Variants in BICC1 observed in about 807,000 individuals in gnomAD.
BICC1 encodes protein bicaudal C homolog 1.
A neutral mutation model predicts 111.0 loss-of-function variants in BICC1; 43 were observed. The ratio of observed to expected loss-of-function variants is 0.39; its 90% CI spans 0.30 to 0.50. The LOEUF is 0.50. BICC1 is among the 20% of genes least tolerant of loss of function. BICC1 has a pLI of 0.88. For missense variants in BICC1, 1,091 were observed against 1,203.2 expected (o/e 0.91, Z 1.38); for synonymous variants, 467 against 434.4 (o/e 1.07, Z -0.93).
intron 1 of BICC1, among the ~76,000 whole-genome samples, chr10:58,569,440 G>T (rs768814990): frequency 1.3e-5 from 2 of 152,154 alleles, no homozygotes; most frequent in Non-Finnish European, 2.9e-5. Flanking sequence ...TGTGCAGAAT[G>T]TGCAGGTTTG....
intron 1 of BICC1, among the ~76,000 whole-genome samples, chr10:58,586,537 G>A (rs11595333): frequency 2.7e-5 from 4 of 150,772 alleles, no homozygotes; most frequent in African/African-American, 7.3e-5. Context: ...GGTTGGGGGC[G>A]GGGGGGCGCG....
intron 1 of BICC1, among the ~76,000 whole-genome samples, chr10:58,581,057 T>A (rs1029979346): frequency 1.3e-5 from 2 of 152,164 alleles, no homozygotes; most frequent in African/African-American, 4.8e-5. Flanking sequence ...ATTTTCCTTT[T>A]AAAAATTAAA....
chr10:58,586,931 G>A (rs1270263789), intron 1 of BICC1, among the ~76,000 whole-genome samples: 1 of 152,114 alleles, frequency 6.6e-6, no homozygotes, highest in African/African-American at 2.4e-5. Flanking sequence ...GGCCTCGTTT[G>A]CCCATTTGTT....
chr10:58,635,862 T>A (rs930788347), intron 2 of BICC1, among the ~76,000 whole-genome samples: 6 of 152,156 alleles, frequency 3.9e-5, no homozygotes, highest in Non-Finnish European at 5.9e-5. Context: ...GCCCTCTCCA[T>A]TAGTTATATA....
intron 3 of BICC1, among the ~76,000 whole-genome samples, chr10:58,719,349 C>A (rs1366640095): frequency 2.0e-5 from 3 of 152,166 alleles, no homozygotes; most frequent in Non-Finnish European, 4.4e-5. Flanking sequence ...AGGGCATCCT[C>A]CATCCTCCCT....
chr10:58,781,071 T>G (rs970312455), intron 3 of BICC1, among the ~76,000 whole-genome samples: 1 of 152,152 alleles, frequency 6.6e-6, no homozygotes, highest in African/African-American at 2.4e-5. Context: ...TTAGAGAAGG[T>G]TGGATTACCA....
intron 13 of BICC1, 21 bp downstream of exon 13, chr10:58,800,347 G>C (rs1440222439): frequency 1.9e-6 from 3 of 1,606,698 alleles, no homozygotes. Flanking sequence ...GTACCCTTCT[G>C]AAATTCATTT....
chr10:58,763,436 A>G (rs1403826131), intron 3 of BICC1, among the ~76,000 whole-genome samples: 1 of 152,156 alleles, frequency 6.6e-6, no homozygotes, highest in Non-Finnish European at 1.5e-5. Flanking sequence ...GAAGAAGAAA[A>G]TATTTTGAGG....
At chr10:58,798,344 C>G in intron 10 of BICC1, 55 bp from the exon 11 acceptor site, 1 of 1,364,558 alleles carries the variant, frequency 7.3e-7, no homozygotes, top group Non-Finnish European at 9.8e-7. Context: ...GGTGCCATCT[C>G]TATTTTAAAA....
chr10:58,688,121 T>A (rs377382473), intron 2 of BICC1, among the ~76,000 whole-genome samples: 7 of 152,090 alleles, frequency 4.6e-5, no homozygotes, highest in African/African-American at 1.7e-4. Context: ...AAAGTTAGCG[T>A]GGACCCAAAG....
Position 58,513,455 on chromosome 10 carries a change from C to G in BICC1, c.190+122C>G. On this transcript the variant is annotated intron_variant, in intron 1 of 20. Transcript: ENST00000373886. ...CGGCCGGCCGGTTTAGCTCCAGGCC[C>G]GCTCCCCCGCGGAGCCGGAGGACAC... 4.2e-6 allele frequency: 4 copies of G among 949,976 alleles called. No homozygotes were observed. The East Asian group carries it at 1.3e-4, about 30-fold the overall frequency. The allele number at this position is 949,976 out of a possible 1,614,324, so 58.8% of individuals were successfully genotyped here.
intron 2 of BICC1, among the ~76,000 whole-genome samples, chr10:58,648,058 C>T (rs1466410237): frequency 1.3e-5 from 2 of 152,094 alleles, no homozygotes; most frequent in Non-Finnish European, 2.9e-5. Context: ...TCTTGCCTTA[C>T]TTTAATTAGA....
chr10:58,766,015 A>G (rs989460021), intron 3 of BICC1, among the ~76,000 whole-genome samples: 2 of 152,174 alleles, frequency 1.3e-5, no homozygotes, highest in African/African-American at 4.8e-5. Flanking sequence ...TCATATTAGA[A>G]TTTGCATTGT....
chr10:58,604,842 C>A (rs913762958), intron 1 of BICC1, among the ~76,000 whole-genome samples: 4 of 152,142 alleles, frequency 2.6e-5, no homozygotes, highest in African/African-American at 9.7e-5. Context: ...GTTCTGGAGA[C>A]TGGGAAGTTC....
chr10:58,604,784 A>G (rs1353235573), intron 1 of BICC1, among the ~76,000 whole-genome samples: 2 of 152,240 alleles, frequency 1.3e-5, no homozygotes, highest in Non-Finnish European at 2.9e-5. Flanking sequence ...CTGCTATAGC[A>G]GAATACCATA....
chr10:58,570,707 A>T (rs568281687), intron 1 of BICC1, among the ~76,000 whole-genome samples: 1 of 152,318 alleles, frequency 6.6e-6, no homozygotes, highest in South Asian at 2.1e-4. Flanking sequence ...GCACAAATAC[A>T]GTTTGGAAAC....
intron 3 of BICC1, among the ~76,000 whole-genome samples, chr10:58,730,843 G>T: frequency 6.6e-6 from 1 of 152,092 alleles, no homozygotes; most frequent in Admixed American, 6.5e-5. Context: ...GTGCGGGGTT[G>T]CAGGGCCCTT....
intron 1 of BICC1, among the ~76,000 whole-genome samples, chr10:58,575,430 C>T (rs758037382): frequency 2.6e-5 from 4 of 152,068 alleles, no homozygotes; most frequent in Non-Finnish European, 5.9e-5. Context: ...ATTTTATAGT[C>T]GAGGCAAACT....
chr10:58,757,290 A>C (rs1157374826), intron 3 of BICC1, among the ~76,000 whole-genome samples: 1 of 152,234 alleles, frequency 6.6e-6, no homozygotes, highest in Non-Finnish European at 1.5e-5. Flanking sequence ...CCTCTATGAA[A>C]TAAAGCTGTC....
Sources: gnomAD v4.1 joint callset for allele counts (sites outside exome capture counted in the v4.1 genomes callset) on GRCh38, gnomAD v4.1.1 for gene constraint, MANE v1.5 for transcripts, NCBI Gene and HGNC (gene_info 2026-07-23, HGNC 2026-07-21) for gene names.